Variants in SERTAD4 observed in about 807,000 individuals in gnomAD.
SERTAD4 encodes SERTA domain-containing protein 4.
In SERTAD4, 18 loss-of-function variants were observed where a neutral mutation model predicts 32.9. The observed-to-expected ratio is 0.55, with a 90% CI of 0.38 to 0.81. SERTAD4 has a LOEUF of 0.81. Among genes scored for constraint, SERTAD4 ranks in the 30% least tolerant of loss-of-function variants. SERTAD4 has a pLI of 0.00. For missense variants in SERTAD4, 383 were observed against 426.0 expected (o/e 0.90, Z 0.89); for synonymous variants, 150 against 156.4 (o/e 0.96, Z 0.30).
Position 210,242,317 on chromosome 1 carries a change from A to C in SERTAD4, c.1051A>C (p.Ser351Arg). Residue 351 changes from serine (S) to arginine (R), a missense_variant, in exon 4 of 4, where the codon AGC (serine) becomes CGC (arginine). Transcript: ENST00000367012. The surrounding 1 kb of genome is among the most constrained non-coding windows in gnomAD (Gnocchi z 4.0). ...ASPPSNKLCC[S>R]KGSKI ...ACCACCAAGTAACAAACTGTGCTGC[A>C]GCAAAGGAAGTAAAATATGAGCCAT... The C allele has an allele frequency of 6.3e-7, 1 of 1,574,848 alleles. No homozygotes were observed. The highest frequency in any genetic ancestry group is 1.9e-5 in the Admixed American group (1 of 51,986).
At chr1:210,233,960 T>TC (rs900772944) in intron 1 of SERTAD4, 21 of 405,744 alleles carry the variant, frequency 5.2e-5, no homozygotes, top group Non-Finnish European at 1.0e-4. Flanking sequence ...CCTTTGGTGT[T>TC]TATTTCCCTT....
chr1:210,241,939 T>C lies in SERTAD4; in HGVS notation c.673T>C (p.Ser225Pro), dbSNP rs1366855474. 1 of 1,614,118 alleles carries C rather than the reference T, an allele frequency of 6.2e-7. No homozygotes were observed. Among genetic ancestry groups the C allele is most frequent in the African/African-American group, 1.3e-5 (1 of 75,046 alleles). ...TAASSPSASS[S>P]SSSSSSSPPL... Reference sequence around the variant, plus strand: ...TGCCTCCTCTCCCTCCGCCTCTTCTTCCTCCTCATCTTCCTCTTCCTCTCC... The same window carrying C: ...TGCCTCCTCTCCCTCCGCCTCTTCTCCCTCCTCATCTTCCTCTTCCTCTCC... The change falls in exon 4 of 4, where the codon TCC (serine) becomes CCC (proline). Residue 225 changes from serine (S) to proline (P), a missense_variant. Transcript: ENST00000367012.
chr1:210,233,808 A>C (rs2083911080), intron 1 of SERTAD4: 1 of 470,000 alleles, frequency 2.1e-6, no homozygotes. Flanking sequence ...GCGCTCCCGC[A>C]ACCGCGGGCT....
chr1:210,235,591 T>A lies in SERTAD4; in HGVS notation c.-17-2353T>A, dbSNP rs2083932903. On this transcript the variant is annotated intron_variant, in intron 1 of 3. Coordinates refer to ENST00000367012, the MANE Select transcript of SERTAD4 (RefSeq NM_019605.5). The stretch of plus-strand genomic sequence containing the variant: ...ACAAAATAATAGCCAAGATAAATAC[T>A]GTTATGCCATGTTTCAAGTTCACGT... Among the ~76,000 whole-genome samples the A allele has an allele frequency of 2.0e-5, 3 of 148,590 alleles. No homozygotes were observed. In the Admixed American group the frequency reaches 2.0e-4, roughly 10 times the overall value.
intron 1 of SERTAD4, chr1:210,234,036 T>G (rs191620043): frequency 5.5e-4 from 178 of 323,210 alleles, no homozygotes; most frequent in African/African-American, 3.9e-3. Flanking sequence ...ATAATAGCTC[T>G]TATTCTTCAG....
At chr1:210,237,044 A>G (rs994622689) in intron 1 of SERTAD4, among the ~76,000 whole-genome samples, 2 of 152,178 alleles carry the variant, frequency 1.3e-5, no homozygotes, top group African/African-American at 2.4e-5. Flanking sequence ...CCCAAGGGAG[A>G]AGGGCGTGAA....
rs1487778377 is a variant in SERTAD4 at position 210,241,723 on chromosome 1, G to T, written c.457G>T (p.Ala153Ser). 3 of 1,614,016 alleles carry T rather than the reference G, an allele frequency of 1.9e-6. No homozygotes were observed. The highest frequency in any genetic ancestry group is 2.5e-6 in the Non-Finnish European group (3 of 1,180,008). ...CATGCAGAATAACTGGTGCTTCCCT[G>T]CCTGCTCTTTCAATGGCACCTCTGC... ...IIMQNNWCFP[A>S]CSFNGTSAQE... The change falls in exon 4 of 4, where the codon GCC (alanine) becomes TCC (serine). Residue 153 changes from alanine to serine, a missense_variant. Ala to Ser is a moderately conservative substitution (Grantham distance 99). Coordinates refer to ENST00000367012, the MANE Select transcript of SERTAD4 (RefSeq NM_019605.5).
intron 2 of SERTAD4, 103 bp from the exon 3 acceptor site, chr1:210,239,390 T>C: frequency 1.4e-6 from 1 of 728,490 alleles, no homozygotes. Flanking sequence ...CAGACAAATA[T>C]GTAGCCAAGT....
At chr1:210,241,161 C>A (rs1209084162) in intron 3 of SERTAD4, among the ~76,000 whole-genome samples, 1 of 152,076 alleles carries the variant, frequency 6.6e-6, no homozygotes, top group Non-Finnish European at 1.5e-5. Flanking sequence ...TACCCCTCGC[C>A]CCGCTCACCC....
At position 210,242,665 on chromosome 1, in the gene SERTAD4, T is replaced by C. The variant is rs2084010867; in HGVS notation, c.*328T>C. On this transcript the variant is annotated 3_prime_UTR_variant, in exon 4 of 4. Transcript: ENST00000367012. This position sits in a 1 kb window ranked among gnomAD's most constrained non-coding sequence, Gnocchi z 4.0. The stretch of plus-strand genomic sequence containing the variant: ...TTTCCATTGCCCCCCAAGGAGCCTG[T>C]CACTAGCTAAGAAATTTCTACATGT... 9.4e-7 allele frequency: 1 copy of C among 1,061,514 alleles called. No homozygotes were observed. The highest frequency in any genetic ancestry group is 1.1e-6 in the Non-Finnish European group (1 of 880,732). The allele number at this position is 1,061,514 out of a possible 1,614,324, so 65.8% of individuals were successfully genotyped here. A position where few individuals can be genotyped will look rare whatever the true frequency, so the allele number is the denominator to read the frequency against.
chr1:210,233,806 G>C, intron 1 of SERTAD4: 1 of 470,076 alleles, frequency 2.1e-6, no homozygotes, highest in Non-Finnish European at 4.4e-6. Context: ...GGGCGCTCCC[G>C]CAACCGCGGG....
At position 210,242,213 on chromosome 1, in the gene SERTAD4, AT is replaced by A. The variant is rs2084005334; in HGVS notation, c.949del (p.Tyr317IlefsTer12). The A allele has an allele frequency of 6.2e-7, 1 of 1,614,052 alleles. No individual in the cohort carries two copies. Among genetic ancestry groups the A allele is most frequent in the African/African-American group, 1.3e-5 (1 of 74,916 alleles). ...LAFECKGQFY[D>X]YFETGYNERN... Reference sequence around the variant, plus strand: ...TTTGAGTGCAAAGGCCAATTTTATGATTATTTTGAGACCGGATATAATGAAA... The same window carrying A: ...TTTGAGTGCAAAGGCCAATTTTATGATATTTTGAGACCGGATATAATGAAA... On this transcript the variant is annotated frameshift_variant, in exon 4 of 4. Transcript: ENST00000367012. LOFTEE classifies it high-confidence loss of function. This position sits in a 1 kb window ranked among gnomAD's most constrained non-coding sequence, Gnocchi z 4.0.
rs2147851269 is a variant in SERTAD4 at position 210,243,695 on chromosome 1, C to G, written c.*1358C>G. ...CCCTCCTACCATCCTTCCTTCCACT[C>G]CAGCCAACTCTTCCTGCTAAACTGT... is the stretch of plus-strand genomic sequence containing the variant. On this transcript the variant is annotated 3_prime_UTR_variant, in exon 4 of 4. Transcript: ENST00000367012. The G allele has an allele frequency of 6.6e-6, 1 of 152,292 alleles. No individual in the cohort carries two copies. The highest frequency in any genetic ancestry group is 1.9e-4 in the East Asian group (1 of 5,188). 9.4% of individuals were successfully genotyped at this position (152,292 alleles called of 1,614,324 possible).
In SERTAD4 at chr1:210,245,904, G is replaced by A. The variant is rs943945889; in HGVS notation, c.*3567G>A. 4.1e-6 allele frequency: 4 copies of A among 985,228 alleles called. No homozygotes were observed. Among genetic ancestry groups the A allele is most frequent in the Non-Finnish European group, 3.6e-6 (3 of 829,876 alleles). 61.0% of individuals were successfully genotyped at this position (985,228 alleles called of 1,614,324 possible). On this transcript the variant is annotated 3_prime_UTR_variant, in exon 4 of 4. Transcript: ENST00000367012. ...AAGGATTCCTATGTGATGCAGCTAG[G>A]TTTTTATATCCTTCTAACAAATGGT...
At position 210,241,680 on chromosome 1, in the gene SERTAD4, G is replaced by C. The variant is rs1399866594; in HGVS notation, c.414G>C (p.Arg138Ser). 1 of 1,613,896 alleles carries C rather than the reference G, an allele frequency of 6.2e-7. No homozygotes were observed. The highest frequency in any genetic ancestry group is 2.2e-5 in the East Asian group (1 of 44,868). The change falls in exon 4 of 4, where the codon AGG becomes AGC. Residue 138 changes from arginine to serine, a missense_variant. This residue lies in a region of SERTAD4 where 107 missense variants were observed against 158.8 expected (regional missense o/e 0.67). Coordinates refer to ENST00000367012, the MANE Select transcript of SERTAD4 (RefSeq NM_019605.5). The stretch of plus-strand genomic sequence containing the variant: ...TCCTTATAAACAATTTGATGAAAAG[G>C]ATCCATGGAGAAATTATCATGCAGA... ...RSVLINNLMK[R>S]IHGEIIMQNN...
chr1:210,234,525 T>G (rs2083922447), intron 1 of SERTAD4, among the ~76,000 whole-genome samples: 1 of 152,136 alleles, frequency 6.6e-6, no homozygotes, highest in Admixed American at 6.5e-5. Flanking sequence ...GCCCATCCAG[T>G]CCCTTCCACT....
In SERTAD4 at chr1:210,232,948, C is replaced by G. The variant is rs1346480404; in HGVS notation, c.-81C>G. 6.7e-6 allele frequency: 1 copy of G among 149,890 alleles called. No homozygotes were observed. The highest frequency in any genetic ancestry group is 1.5e-5 in the Non-Finnish European group (1 of 67,192). The allele number at this position is 149,890 out of a possible 1,614,324, so 9.3% of individuals were successfully genotyped here. A position where few individuals can be genotyped will look rare whatever the true frequency, so the allele number is the denominator to read the frequency against. The stretch of plus-strand genomic sequence containing the variant: ...TGTGCACCGGCGGCCGGGCTGGCGC[C>G]GAGCCCAGAGCGGACCAGCAGCAGC... On this transcript the variant is annotated 5_prime_UTR_variant, in exon 1 of 4. Coordinates refer to ENST00000367012, the MANE Select transcript of SERTAD4 (RefSeq NM_019605.5).
rs530600299 is a variant in SERTAD4, at chr1:210,243,112, A to C, written c.*775A>C. ...ACAGGACAAAAAAAAAAAAAAAAAAAAAACCACAGGGTGGATCAATATGGT... is the reference window on the plus strand; with the variant it reads ...ACAGGACAAAAAAAAAAAAAAAAAACAAACCACAGGGTGGATCAATATGGT... On this transcript the variant is annotated 3_prime_UTR_variant, in exon 4 of 4. Coordinates refer to ENST00000367012, the MANE Select transcript of SERTAD4 (RefSeq NM_019605.5). 1.2e-5 allele frequency: 12 copies of C among 968,082 alleles called. No homozygotes were observed. Among genetic ancestry groups the C allele is most frequent in the Middle Eastern group, 5.3e-4 (1 of 1,904 alleles). The allele number at this position is 968,082 out of a possible 1,614,324, so 60.0% of individuals were successfully genotyped here. A position where few individuals can be genotyped will look rare whatever the true frequency, so the allele number is the denominator to read the frequency against.
intron 1 of SERTAD4, among the ~76,000 whole-genome samples, chr1:210,236,594 G>T (rs989896804): frequency 1.3e-5 from 2 of 151,962 alleles, no homozygotes; most frequent in Admixed American, 1.3e-4. Flanking sequence ...TAGCATGTAG[G>T]TAATAATAGT....
Sources: allele counts gnomAD v4.1 joint callset (sites outside exome capture counted in the v4.1 genomes callset), GRCh38; gene constraint gnomAD v4.1.1; regional missense constraint gnomAD v4.1.1; non-coding constraint Gnocchi (gnomAD v3.1); transcripts MANE v1.5; gene names NCBI Gene and HGNC (gene_info 2026-07-23, HGNC 2026-07-21).